The following CPA6 variants were observed in gnomAD, a reference collection of about 807,000 sequenced individuals.
CPA6 encodes carboxypeptidase B.
A neutral mutation model predicts 63.3 loss-of-function variants in CPA6; 58 were observed. That is an observed-to-expected ratio of 0.92 (90% CI 0.74 to 1.14). CPA6 has a LOEUF of 1.14. Among genes scored for constraint, CPA6 ranks in the 50% most tolerant of loss-of-function variants. CPA6 has a pLI of 0.00. For missense variants in CPA6, 565 were observed against 526.6 expected (o/e 1.07, Z -0.71); for synonymous variants, 185 against 179.0 (o/e 1.03, Z -0.27).
At chr8:67,582,647 C>G (rs545671114) in intron 2 of CPA6, among the ~76,000 whole-genome samples, 12 of 152,098 alleles carry the variant, frequency 7.9e-5, no homozygotes, top group African/African-American at 2.7e-4. Flanking sequence ...GTGGGAAGAT[C>G]GATGAATGAA....
intron 8 of CPA6, among the ~76,000 whole-genome samples, chr8:67,470,786 A>T (rs1486329724): frequency 6.6e-6 from 1 of 152,212 alleles, no homozygotes; most frequent in Non-Finnish European, 1.5e-5. Flanking sequence ...TTATATATAC[A>T]ATTCAATGTG....
At chr8:67,706,014 TC>T (rs1483497568) in intron 1 of CPA6, among the ~76,000 whole-genome samples, 4 of 152,180 alleles carry the variant, frequency 2.6e-5, no homozygotes, top group Non-Finnish European at 4.4e-5. Context: ...TAAATTTTTG[TC>T]CTAAAGTAAA....
At position 67,429,939 on chromosome 8, in the gene CPA6, G is replaced by A. The variant is rs565104437; in HGVS notation, c.1042-1808C>T. On this transcript the variant is annotated intron_variant, in intron 9 of 10. Coordinates refer to ENST00000297770, the MANE Select transcript of CPA6 (RefSeq NM_020361.5). Reference sequence around the variant, plus strand: ...GGTGCGTGTTGACTAGGGTTTAGATGTGATCTCTCCACAAAAATAAAAACT... The same window carrying A: ...GGTGCGTGTTGACTAGGGTTTAGATATGATCTCTCCACAAAAATAAAAACT... Among the ~76,000 whole-genome samples the A allele has an allele frequency of 3.9e-5, 6 of 152,218 alleles. No individual in the cohort carries two copies. The East Asian group carries it at 1.2e-3, about 29-fold the overall frequency.
At chr8:67,576,536 G>A (rs534010682) in intron 2 of CPA6, among the ~76,000 whole-genome samples, 1 of 152,256 alleles carries the variant, frequency 6.6e-6, no homozygotes, top group East Asian at 1.9e-4. Context: ...AAAATATATG[G>A]TGCATTTGGA....
chr8:67,428,187 A>G, intron 9 of CPA6, 56 bp from the exon 10 acceptor site: 1 of 989,814 alleles, frequency 1.0e-6, no homozygotes, highest in Admixed American at 1.8e-5. Flanking sequence ...TTTTAGATAC[A>G]CTGCTATGTT....
chr8:67,525,309 G>A (rs1473016029), intron 2 of CPA6, among the ~76,000 whole-genome samples: 2 of 152,070 alleles, frequency 1.3e-5, no homozygotes, highest in African/African-American at 4.8e-5. Context: ...TAGTTGTTTT[G>A]TCATTAAAGA....
At chr8:67,627,143 T>C (rs897468930) in intron 1 of CPA6, among the ~76,000 whole-genome samples, 1 of 152,210 alleles carries the variant, frequency 6.6e-6, no homozygotes, top group African/African-American at 2.4e-5. Flanking sequence ...TGAAATGTCA[T>C]ACTCTTTTGT....
At chr8:67,538,633 G>A (rs1398529050) in intron 2 of CPA6, among the ~76,000 whole-genome samples, 5 of 151,444 alleles carry the variant, frequency 3.3e-5, no homozygotes, top group Admixed American at 6.6e-5. Flanking sequence ...CACACCAATG[G>A]GTCTTGAGTC....
chr8:67,511,968 T>TA (rs1163766288), intron 3 of CPA6, among the ~76,000 whole-genome samples: 1 of 152,182 alleles, frequency 6.6e-6, no homozygotes. Context: ...GAGTACTACT[T>TA]ACCTACCAGC....
rs553634983 is a variant in CPA6 at position 67,611,019 on chromosome 8, T to TG, written c.192+13156_192+13157insC. ...ATTGTTATTATAAGTACCTTCTTTT[T>TG]TTTTGGTAGGTAGAAGGATTTTATA... On this transcript the variant is annotated intron_variant, in intron 2 of 10. Coordinates refer to ENST00000297770, the MANE Select transcript of CPA6 (RefSeq NM_020361.5). Among the ~76,000 whole-genome samples, 38 of 152,294 alleles carry TG rather than the reference T, an allele frequency of 2.5e-4. No homozygotes were observed. The South Asian group carries it at 7.9e-3, about 32-fold the overall frequency.
At chr8:67,541,254 C>A (rs2128970857) in intron 2 of CPA6, among the ~76,000 whole-genome samples, 1 of 152,218 alleles carries the variant, frequency 6.6e-6, no homozygotes, top group African/African-American at 2.4e-5. Flanking sequence ...GTGCACCATC[C>A]CTCACGGCAC....
chr8:67,435,437 G>A (rs932079478), intron 8 of CPA6, among the ~76,000 whole-genome samples: 2 of 152,228 alleles, frequency 1.3e-5, no homozygotes, highest in East Asian at 1.9e-4. Context: ...CTGGAGAAGG[G>A]GCAGGAGAGC....
chr8:67,448,656 G>GAAAAAAAAAAAAAAA (rs1810485855), intron 8 of CPA6, among the ~76,000 whole-genome samples: 1 of 68,796 alleles, frequency 1.5e-5, no homozygotes, highest in Non-Finnish European at 2.7e-5. Context: ...AAAAAAAAAG[G>GAAAAAAAAAAAAAAA]AAAGAACGAA....
intron 8 of CPA6, among the ~76,000 whole-genome samples, chr8:67,471,007 C>T (rs1157763684): frequency 6.6e-6 from 1 of 152,134 alleles, no homozygotes; most frequent in Non-Finnish European, 1.5e-5. Context: ...AGCGCTTTCC[C>T]AACCTATGCA....
rs762501130 is a variant in CPA6 at position 67,517,954 on chromosome 8, C to T, written c.286G>A (p.Ala96Thr). 23 of 1,612,466 alleles carry T rather than the reference C, an allele frequency of 1.4e-5. No individual in the cohort carries two copies. In the East Asian group the frequency reaches 4.7e-4, roughly 33 times the overall value. ...IPQNGSRALL[A>T]FLQEANIQYK... The stretch of plus-strand genomic sequence containing the variant: ...TGGATGTTGGCTTCCTGTAAGAAGG[C>T]TAACAGGGCTCGGGAACCATTTTGG... The change falls in exon 3 of 11, where the codon GCC becomes ACC. Residue 96 changes from alanine (A) to threonine (T), a missense_variant. Ala to Thr is a moderately conservative substitution (Grantham distance 58). Coordinates refer to ENST00000297770, the MANE Select transcript of CPA6 (RefSeq NM_020361.5).
intron 1 of CPA6, among the ~76,000 whole-genome samples, chr8:67,696,464 T>C (rs1816914287): frequency 6.6e-6 from 1 of 152,224 alleles, no homozygotes. Context: ...GACAGTTTGA[T>C]GGCATCTTAT....
intron 1 of CPA6, among the ~76,000 whole-genome samples, chr8:67,684,025 ATATAT>A (rs1816654490): frequency 7.3e-6 from 1 of 137,804 alleles, no homozygotes; most frequent in Non-Finnish European, 1.5e-5. Context: ...ATATATATAT[ATATAT>A]AATTTTTATT....
chr8:67,547,151 A>T (rs554534149), intron 2 of CPA6, among the ~76,000 whole-genome samples: 1 of 151,650 alleles, frequency 6.6e-6, no homozygotes, highest in Non-Finnish European at 1.5e-5. Flanking sequence ...GGTTCATGCC[A>T]TTCTCCTGCC....
At chr8:67,598,761 T>C (rs1814413133) in intron 2 of CPA6, among the ~76,000 whole-genome samples, 2 of 152,202 alleles carry the variant, frequency 1.3e-5, no homozygotes, top group Admixed American at 6.5e-5. Context: ...CTTTTATGTC[T>C]AAACAAATAC....
Sources: allele counts gnomAD v4.1 joint callset (sites outside exome capture counted in the v4.1 genomes callset), GRCh38; gene constraint gnomAD v4.1.1; transcripts MANE v1.5; gene names NCBI Gene and HGNC (gene_info 2026-07-23, HGNC 2026-07-21).